DAB1: variants seen among roughly 807,000 people sequenced by gnomAD.
DAB1 encodes the protein disabled homolog 1.
A neutral mutation model predicts 64.6 loss-of-function variants in DAB1; 15 were observed. That is an observed-to-expected ratio of 0.23 (90% CI 0.16 to 0.36). The LOEUF (loss-of-function observed/expected upper bound fraction) is 0.36. Among genes scored for constraint, DAB1 ranks in the 10% least tolerant of loss-of-function variants. The pLI is 1.00. For synonymous variants in DAB1, 235 were observed against 251.9 expected (o/e 0.93, Z 0.64); for missense variants, 596 against 706.7 (o/e 0.84, Z 1.78).
chr1:57,252,786 C>T (rs1328065046), intron 2 of DAB1, among the ~76,000 whole-genome samples: 1 of 152,190 alleles, frequency 6.6e-6, no homozygotes, highest in Non-Finnish European at 1.5e-5. Flanking sequence ...TCCCTGTCGA[C>T]AGCTGGGATG....
At chr1:57,787,256 T>C (rs1351774090) in intron 6 of DAB1, among the ~76,000 whole-genome samples, 1 of 152,180 alleles carries the variant, frequency 6.6e-6, no homozygotes, top group Non-Finnish European at 1.5e-5. Context: ...AGTATTTGAT[T>C]TCATGACTTA....
chr1:58,070,521 A>G (rs1240066562), intron 5 of DAB1, among the ~76,000 whole-genome samples: 1 of 152,230 alleles, frequency 6.6e-6, no homozygotes, highest in Non-Finnish European at 1.5e-5. Flanking sequence ...TGCAGAAGTC[A>G]CATAATGGCT....
At chr1:57,615,531 C>T (rs1645781423) in intron 7 of DAB1, among the ~76,000 whole-genome samples, 1 of 152,206 alleles carries the variant, frequency 6.6e-6, no homozygotes, top group African/African-American at 2.4e-5. Flanking sequence ...GAGAAACAGA[C>T]TTCTCTCTTA....
At chr1:58,250,212 G>T (rs1660743240) in intron 4 of DAB1, among the ~76,000 whole-genome samples, 1 of 152,214 alleles carries the variant, frequency 6.6e-6, no homozygotes, top group South Asian at 2.1e-4. Flanking sequence ...CTCACGCCGC[G>T]GCGGGCGGGC....
intron 1 of DAB1, among the ~76,000 whole-genome samples, chr1:57,340,096 C>T (rs1055140140): frequency 6.6e-6 from 1 of 152,082 alleles, no homozygotes; most frequent in African/African-American, 2.4e-5. Context: ...CTTCAAGTTA[C>T]CCCAACTAGA....
At chr1:57,916,590 G>A (rs1182407289) in intron 5 of DAB1, among the ~76,000 whole-genome samples, 1 of 152,180 alleles carries the variant, frequency 6.6e-6, no homozygotes, top group Non-Finnish European at 1.5e-5. Flanking sequence ...AACCCTATGA[G>A]AAAACAATTA....
At chr1:58,382,810 C>T (rs1464685213) in intron 3 of DAB1, among the ~76,000 whole-genome samples, 1 of 152,168 alleles carries the variant, frequency 6.6e-6, no homozygotes. Flanking sequence ...ACCATCTTAT[C>T]TTGGTAGGGG....
chr1:57,520,831 G>A (rs554080648), intron 7 of DAB1, among the ~76,000 whole-genome samples: 10 of 152,018 alleles, frequency 6.6e-5, no homozygotes, highest in African/African-American at 2.2e-4. Flanking sequence ...GGAAAGTCAG[G>A]GAAAGCTTCC....
intron 6 of DAB1, among the ~76,000 whole-genome samples, chr1:57,677,017 T>C (rs1646575870): frequency 6.6e-6 from 1 of 151,988 alleles, no homozygotes; most frequent in African/African-American, 2.4e-5. Context: ...GACAAGAAGG[T>C]AATTAAGGTT....
intron 4 of DAB1, among the ~76,000 whole-genome samples, chr1:58,164,751 A>T (rs1485303452): frequency 2.0e-5 from 3 of 152,154 alleles, no homozygotes; most frequent in Admixed American, 6.6e-5. Context: ...AGAATAAAAC[A>T]AAAAGGAAGA....
intron 2 of DAB1, among the ~76,000 whole-genome samples, chr1:57,156,545 G>T (rs1474572228): frequency 5.9e-5 from 9 of 152,130 alleles, no homozygotes; most frequent in Admixed American, 5.9e-4. Context: ...ATGCTAAAGT[G>T]GGTAATGGAC....
At chr1:57,972,483 C>G (rs1468535180) in intron 5 of DAB1, among the ~76,000 whole-genome samples, 1 of 152,090 alleles carries the variant, frequency 6.6e-6, no homozygotes, top group Non-Finnish European at 1.5e-5. Context: ...CCTCAAGTGG[C>G]CCTCCCACCT....
chr1:58,374,498 A>T (rs1027815949), intron 3 of DAB1, among the ~76,000 whole-genome samples: 60 of 151,896 alleles, frequency 4.0e-4, no homozygotes, highest in African/African-American at 1.4e-3. Context: ...GTAGGTAAGC[A>T]GCGTTATTTC....
chr1:57,384,113 T>C (rs1681598026), intron 1 of DAB1, among the ~76,000 whole-genome samples: 1 of 152,134 alleles, frequency 6.6e-6, no homozygotes, highest in Admixed American at 6.6e-5. Context: ...AAAGAAGACA[T>C]ACAAATTGCC....
intron 7 of DAB1, among the ~76,000 whole-genome samples, chr1:57,560,931 A>C (rs116599476): frequency 0.01 from 1,577 of 152,252 alleles, 21 homozygotes; most frequent in African/African-American, 0.036. Flanking sequence ...CGGGACATCA[A>C]ATTACCATGT....
chr1:57,199,058 A>G (rs755062939), intron 2 of DAB1, among the ~76,000 whole-genome samples: 13 of 152,126 alleles, frequency 8.5e-5, no homozygotes, highest in African/African-American at 3.1e-4. Context: ...CATAGAGGAG[A>G]GACTAAAATT....
chr1:57,277,457 T>C (rs1004760252), intron 2 of DAB1, among the ~76,000 whole-genome samples: 4 of 152,184 alleles, frequency 2.6e-5, no homozygotes, highest in Non-Finnish European at 5.9e-5. Flanking sequence ...CACTGGGCAC[T>C]GGCTAAGACA....
chr1:57,023,624 C>A lies in DAB1; in HGVS notation c.802G>T (p.Gly268Cys). The A allele has an allele frequency of 6.2e-7, 1 of 1,611,066 alleles. No homozygotes were observed. Among genetic ancestry groups the A allele is most frequent in the South Asian group, 1.1e-5 (1 of 90,058 alleles). Residue 268 changes from glycine to cysteine, a missense_variant, in exon 11 of 15, where the codon GGT (glycine) becomes TGT (cysteine). Physicochemically the swap from Gly to Cys is radical, Grantham distance 159. Coordinates refer to ENST00000371236, the MANE Select transcript of DAB1 (RefSeq NM_001365792.1). ...ITSPPTPATPGDAFIPSSSQT... is the reference protein window; with the variant it reads ...ITSPPTPATPCDAFIPSSSQT... ...GATGAAGATGGGATAAAGGCATCAC[C>A]TGGAGTTGCAGGAGTCTGCCAGACA...
intron 8 of DAB1, among the ~76,000 whole-genome samples, chr1:57,068,697 C>G (rs1051722782): frequency 6.6e-6 from 1 of 152,128 alleles, no homozygotes; most frequent in Non-Finnish European, 1.5e-5. Flanking sequence ...AAGACCATGG[C>G]AGAAGGAGGC....
Sources: gnomAD v4.1 joint callset for allele counts (sites outside exome capture counted in the v4.1 genomes callset) on GRCh38, gnomAD v4.1.1 for gene constraint, MANE v1.5 for transcripts, NCBI Gene and HGNC (gene_info 2026-07-23, HGNC 2026-07-21) for gene names.